MSRB3: variants seen among roughly 807,000 people sequenced by gnomAD.
The protein encoded by MSRB3 is methionine sulfoxide reductase B3.
In MSRB3, 13 loss-of-function variants were observed where a neutral mutation model predicts 21.0. The ratio of observed to expected loss-of-function variants is 0.62; its 90% CI spans 0.40 to 0.98. The LOEUF (loss-of-function observed/expected upper bound fraction) is 0.98, where lower values mean the gene tolerates loss of function less well. Among genes scored for constraint, MSRB3 ranks in the 50% least tolerant of loss-of-function variants. MSRB3 has a pLI of 0.00. For missense variants in MSRB3, 199 were observed against 230.3 expected (o/e 0.86, Z 0.88); for synonymous variants, 87 against 88.6 (o/e 0.98, Z 0.10).
chr12:65,294,153 G>A (rs960538179), intron 1 of MSRB3, among the ~76,000 whole-genome samples: 1 of 152,160 alleles, frequency 6.6e-6, no homozygotes, highest in African/African-American at 2.4e-5. Flanking sequence ...TTGAAATCTA[G>A]GCATGAGCAT....
chr12:65,370,378 A>G (rs1415874728), intron 5 of MSRB3, among the ~76,000 whole-genome samples: 1 of 152,130 alleles, frequency 6.6e-6, no homozygotes, highest in Non-Finnish European at 1.5e-5. Context: ...TTTCCCTGCC[A>G]GTCACCAAAT....
At chr12:65,364,292 G>T (rs898977075) in intron 4 of MSRB3, among the ~76,000 whole-genome samples, 1 of 152,120 alleles carries the variant, frequency 6.6e-6, no homozygotes, top group African/African-American at 2.4e-5. Context: ...AAATAATGTG[G>T]AAATATGTCT....
intron 5 of MSRB3, among the ~76,000 whole-genome samples, chr12:65,441,790 G>A (rs1189111777): frequency 6.6e-6 from 1 of 151,956 alleles, no homozygotes; most frequent in African/African-American, 2.4e-5. Flanking sequence ...TTCGATGAAG[G>A]TTCCTTCATG....
intron 1 of MSRB3, among the ~76,000 whole-genome samples, chr12:65,293,525 C>T (rs189214380): frequency 1.1e-4 from 16 of 152,260 alleles, no homozygotes; most frequent in Non-Finnish European, 1.8e-4. Context: ...CATCTTTTCC[C>T]GTGTCTGGAA....
chr12:65,281,041 A>C (rs1246900815), intron 1 of MSRB3, among the ~76,000 whole-genome samples: 1 of 152,172 alleles, frequency 6.6e-6, no homozygotes, highest in Non-Finnish European at 1.5e-5. Context: ...GGCCTGGTCA[A>C]CATAGGGATA....
At chr12:65,412,383 AC>A (rs1880761094) in intron 5 of MSRB3, among the ~76,000 whole-genome samples, 1 of 152,194 alleles carries the variant, frequency 6.6e-6, no homozygotes, top group Non-Finnish European at 1.5e-5. Context: ...GTGTCCTGCC[AC>A]ATGCCTGTTG....
chr12:65,369,736 C>A (rs1434849249), intron 5 of MSRB3, among the ~76,000 whole-genome samples: 2 of 152,080 alleles, frequency 1.3e-5, no homozygotes, highest in African/African-American at 4.8e-5. Context: ...ATATTTCATA[C>A]AAAGGAATTA....
Position 65,407,647 on chromosome 12 carries a change from C to A in MSRB3, c.292+38621C>A, listed in dbSNP as rs531139468. 2.0e-4 allele frequency among the ~76,000 whole-genome samples: 31 copies of A among 152,248 alleles called. 1 individual carries two copies. The highest frequency in any genetic ancestry group is 3.4e-3 in the Middle Eastern group (1 of 294). On this transcript the variant is annotated intron_variant, in intron 5 of 6. Transcript: ENST00000308259. ...TATTACTTTAAACATTTTCTCTGTT[C>A]CTTTTTGTCTTCTCCTTCTGCTATT... is the stretch of plus-strand genomic sequence containing the variant.
intron 4 of MSRB3, among the ~76,000 whole-genome samples, chr12:65,350,959 G>A (rs1420931545): frequency 6.7e-6 from 1 of 148,482 alleles, no homozygotes; most frequent in Non-Finnish European, 1.5e-5. Context: ...GCACCAAGCG[G>A]ACCTAATAGA....
intron 5 of MSRB3, among the ~76,000 whole-genome samples, chr12:65,403,433 A>G (rs1012974670): frequency 2.0e-5 from 3 of 152,154 alleles, no homozygotes; most frequent in African/African-American, 7.2e-5. Flanking sequence ...CTCAAGCCTC[A>G]GTAATGGTGG....
At chr12:65,453,951 A>AGG in intron 6 of MSRB3, 126 bp downstream of exon 6, 1 of 769,966 alleles carries the variant, frequency 1.3e-6, no homozygotes, top group Non-Finnish European at 2.3e-6. Flanking sequence ...GTTTATATGA[A>AGG]GTCCGATGGA....
chr12:65,361,263 G>A (rs999547395), intron 4 of MSRB3, among the ~76,000 whole-genome samples: 2 of 151,938 alleles, frequency 1.3e-5, no homozygotes, highest in Admixed American at 1.3e-4. Context: ...CCACACAAAC[G>A]TTTTTAAAGG....
intron 2 of MSRB3, among the ~76,000 whole-genome samples, chr12:65,324,578 C>G (rs1254508327): frequency 6.6e-6 from 1 of 151,918 alleles, no homozygotes; most frequent in Non-Finnish European, 1.5e-5. Context: ...TTTTCTTGTA[C>G]AAATACTTGA....
chr12:65,394,943 G>A (rs377014558), intron 5 of MSRB3, among the ~76,000 whole-genome samples: 4 of 152,182 alleles, frequency 2.6e-5, no homozygotes, highest in South Asian at 4.1e-4. Context: ...TATGAAAACC[G>A]ACAGCTAATG....
intron 2 of MSRB3, 30 bp from the exon 3 acceptor site, chr12:65,326,796 C>T: frequency 1.9e-6 from 3 of 1,567,488 alleles, no homozygotes; most frequent in Middle Eastern, 1.7e-4. Context: ...GCTAAAAAGG[C>T]TTCTTCTCCC....
intron 4 of MSRB3, among the ~76,000 whole-genome samples, chr12:65,359,317 C>T (rs1190376348): frequency 6.6e-6 from 1 of 151,966 alleles, no homozygotes; most frequent in African/African-American, 2.4e-5. Context: ...ATTTTTACAG[C>T]TTTAAACTTT....
At chr12:65,293,293 C>T (rs147373356) in intron 1 of MSRB3, among the ~76,000 whole-genome samples, 3 of 152,306 alleles carry the variant, frequency 2.0e-5, no homozygotes, top group East Asian at 1.9e-4. Context: ...CATTTTCCAC[C>T]TTTTAGTCAT....
intron 5 of MSRB3, among the ~76,000 whole-genome samples, chr12:65,416,785 T>G (rs1881002118): frequency 6.6e-6 from 1 of 152,226 alleles, no homozygotes; most frequent in South Asian, 2.1e-4. Flanking sequence ...TGTTGTTACT[T>G]AGCATGTAAT....
rs548335402 is a variant in MSRB3, at chr12:65,383,558, T to C, written c.292+14532T>C. On this transcript the variant is annotated intron_variant, in intron 5 of 6. Coordinates refer to ENST00000308259, the MANE Select transcript of MSRB3 (RefSeq NM_001031679.3). ...CAGCTATTTACTGTTCACAGTATTT[T>C]AGTATTTGTAAATTTCTTGGTGGTA... Among the ~76,000 whole-genome samples the C allele has an allele frequency of 7.2e-5, 11 of 152,328 alleles. No individual in the cohort carries two copies. In the East Asian group the frequency reaches 2.1e-3, roughly 29 times the overall value.
Sources: allele counts gnomAD v4.1 joint callset (sites outside exome capture counted in the v4.1 genomes callset), GRCh38; gene constraint gnomAD v4.1.1; transcripts MANE v1.5; gene names NCBI Gene and HGNC (gene_info 2026-07-23, HGNC 2026-07-21).